CLYBL: variants seen among roughly 807,000 people sequenced by gnomAD.
The protein encoded by CLYBL is citramalyl-CoA lyase, also known as citramalyl-CoA lyase, mitochondrial.
A neutral mutation model predicts 38.9 loss-of-function variants in CLYBL; 31 were observed. The observed-to-expected ratio is 0.80, with a 90% CI of 0.60 to 1.08. The LOEUF (loss-of-function observed/expected upper bound fraction) is 1.08. Ranked by LOEUF, CLYBL falls within the 50% of genes least tolerant of loss-of-function variation. CLYBL has a pLI of 0.00. For synonymous variants in CLYBL, 171 were observed against 158.6 expected (o/e 1.08, Z -0.59); for missense variants, 434 against 411.6 (o/e 1.05, Z -0.47).
At chr13:99,825,791 G>C (rs2050683224) in intron 2 of CLYBL, among the ~76,000 whole-genome samples, 1 of 152,198 alleles carries the variant, frequency 6.6e-6, no homozygotes, top group Non-Finnish European at 1.5e-5. Flanking sequence ...TCCTGCACTG[G>C]CCGTGATTGT....
Position 99,741,183 on chromosome 13 carries a change from G to A in CLYBL, c.63-31641G>A, listed in dbSNP as rs566483268. On this transcript the variant is annotated intron_variant, in intron 1 of 8. Coordinates refer to ENST00000339105, the MANE Select transcript of CLYBL (RefSeq NM_206808.5). ...TAGGAATCTTAAAGCTAGTGGGAAA[G>A]AACTGTAGGACACAAAACAGATACT... 2.2e-4 allele frequency among the ~76,000 whole-genome samples: 34 copies of A among 152,290 alleles called. 2 individuals carry two copies. In the South Asian group the frequency reaches 5.4e-3, roughly 24 times the overall value.
intron 3 of CLYBL, among the ~76,000 whole-genome samples, chr13:99,859,787 A>G (rs528364446): frequency 6.6e-6 from 1 of 152,290 alleles, no homozygotes; most frequent in South Asian, 2.1e-4. Context: ...GCTAGATTTT[A>G]TTTGAGGGTC....
intron 1 of CLYBL, among the ~76,000 whole-genome samples, chr13:99,644,317 G>C (rs1226854499): frequency 6.6e-6 from 1 of 152,018 alleles, no homozygotes; most frequent in East Asian, 1.9e-4. Context: ...ACTTCTTCCT[G>C]TGGGTTGCAG....
chr13:99,835,391 A>T (rs557125343), intron 2 of CLYBL, among the ~76,000 whole-genome samples: 1 of 152,218 alleles, frequency 6.6e-6, no homozygotes, highest in African/African-American at 2.4e-5. Context: ...CCTCATCTGC[A>T]TGGCTGATGC....
At chr13:99,614,762 C>T (rs1222188706) in intron 1 of CLYBL, among the ~76,000 whole-genome samples, 1 of 149,534 alleles carries the variant, frequency 6.7e-6, no homozygotes, top group Admixed American at 6.6e-5. Flanking sequence ...GTGGGAGAGG[C>T]CAAGGAGTCA....
intron 1 of CLYBL, among the ~76,000 whole-genome samples, chr13:99,624,006 T>A (rs2139212225): frequency 6.7e-6 from 1 of 149,418 alleles, no homozygotes; most frequent in South Asian, 2.1e-4. Flanking sequence ...ATGCTAGGTA[T>A]GGCGTGTATG....
intron 1 of CLYBL, among the ~76,000 whole-genome samples, chr13:99,626,129 G>C (rs2046866594): frequency 6.6e-6 from 1 of 152,218 alleles, no homozygotes; most frequent in South Asian, 2.1e-4. Context: ...GCAGGGATCA[G>C]TGCAACAATG....
At chr13:99,841,308 T>C (rs1267879895) in intron 2 of CLYBL, among the ~76,000 whole-genome samples, 1 of 152,198 alleles carries the variant, frequency 6.6e-6, no homozygotes, top group East Asian at 1.9e-4. Flanking sequence ...AGAGAAAAAG[T>C]AATACGTTTT....
intron 2 of CLYBL, among the ~76,000 whole-genome samples, chr13:99,851,279 AT>A (rs1479066691): frequency 6.6e-6 from 1 of 151,498 alleles, no homozygotes; most frequent in Non-Finnish European, 1.5e-5. Context: ...AGGCAGGAGA[AT>A]CACTTGAGTA....
At chr13:99,646,217 A>AT (rs2047173651) in intron 1 of CLYBL, among the ~76,000 whole-genome samples, 1 of 151,990 alleles carries the variant, frequency 6.6e-6, no homozygotes, top group Non-Finnish European at 1.5e-5. Flanking sequence ...CTGCTTTTAT[A>AT]TTTTTTCTGT....
At chr13:99,733,514 G>C (rs1298709747) in intron 1 of CLYBL, among the ~76,000 whole-genome samples, 1 of 152,162 alleles carries the variant, frequency 6.6e-6, no homozygotes, top group Non-Finnish European at 1.5e-5. Context: ...ACAACATAGT[G>C]GTGTTTAACT....
At chr13:99,764,129 G>C (rs376869563) in intron 1 of CLYBL, among the ~76,000 whole-genome samples, 1 of 151,204 alleles carries the variant, frequency 6.6e-6, no homozygotes, top group East Asian at 1.9e-4. Context: ...TGCAGTCACA[G>C]CTCACTGCAG....
At chr13:99,854,440 A>G (rs2051407174) in intron 2 of CLYBL, among the ~76,000 whole-genome samples, 1 of 151,256 alleles carries the variant, frequency 6.6e-6, no homozygotes, top group African/African-American at 2.4e-5. Context: ...CCGACAGTAG[A>G]ATTGATGCCG....
intron 7 of CLYBL, among the ~76,000 whole-genome samples, chr13:99,886,845 C>T (rs1035631052): frequency 2.0e-5 from 3 of 152,206 alleles, no homozygotes; most frequent in African/African-American, 7.2e-5. Context: ...TTCCCTCTCC[C>T]CTCCAGCAAA....
intron 1 of CLYBL, among the ~76,000 whole-genome samples, chr13:99,678,051 G>T (rs1010619195): frequency 6.6e-6 from 1 of 152,200 alleles, no homozygotes. Flanking sequence ...ACTTAAGATG[G>T]TTTACATTTG....
At chr13:99,883,306 G>A (rs941213012) in intron 7 of CLYBL, among the ~76,000 whole-genome samples, 3 of 152,098 alleles carry the variant, frequency 2.0e-5, no homozygotes, top group Non-Finnish European at 2.9e-5. Context: ...GGATCATGAG[G>A]TCAGGAGTTG....
At chr13:99,624,625 G>T (rs914481827) in intron 1 of CLYBL, among the ~76,000 whole-genome samples, 3 of 152,158 alleles carry the variant, frequency 2.0e-5, no homozygotes, top group Non-Finnish European at 4.4e-5. Flanking sequence ...ATGCAGTTGA[G>T]TTGTGGGCAG....
At chr13:99,762,157 T>G (rs2049178779) in intron 1 of CLYBL, among the ~76,000 whole-genome samples, 1 of 151,970 alleles carries the variant, frequency 6.6e-6, no homozygotes, top group African/African-American at 2.4e-5. Context: ...TGCGCAGAAG[T>G]TTTTTTTAGC....
chr13:99,854,428 A>G (rs1664504659), intron 2 of CLYBL, among the ~76,000 whole-genome samples: 1 of 150,972 alleles, frequency 6.6e-6, no homozygotes, highest in African/African-American at 2.4e-5. Flanking sequence ...GTCTCATCCT[A>G]TCCGACAGTA....
Sources: allele counts gnomAD v4.1 joint callset (sites outside exome capture counted in the v4.1 genomes callset), GRCh38; gene constraint gnomAD v4.1.1; transcripts MANE v1.5; gene names NCBI Gene and HGNC (gene_info 2026-07-23, HGNC 2026-07-21).